The following RASA3 variants were observed in gnomAD, a reference collection of about 807,000 sequenced individuals.
RASA3 encodes the protein ras GTPase-activating protein 3.
A neutral mutation model predicts 110.0 loss-of-function variants in RASA3; 73 were observed. The observed-to-expected ratio is 0.66, with a 90% CI of 0.55 to 0.81. The LOEUF (loss-of-function observed/expected upper bound fraction) is 0.81. Ranked by LOEUF, RASA3 falls within the 30% of genes least tolerant of loss-of-function variation. The pLI, the probability that RASA3 is intolerant of heterozygous loss-of-function variation, is 0.00. For synonymous variants in RASA3, 500 were observed against 451.4 expected, an observed-to-expected ratio of 1.11 and a Z score of -1.37; for missense variants, 976 against 1,113.2, an observed-to-expected ratio of 0.88 and a Z score of 1.75.
chr13:114,001,999 G>A (rs1037766419), intron 18 of RASA3, among the ~76,000 whole-genome samples: 2 of 152,272 alleles, frequency 1.3e-5, no homozygotes, highest in African/African-American at 4.8e-5. Context: ...GCCTTGCCCT[G>A]GGCAGGGTCC....
chr13:114,121,162 A>G (rs1365316509), intron 1 of RASA3, among the ~76,000 whole-genome samples: 1 of 152,234 alleles, frequency 6.6e-6, no homozygotes, highest in East Asian at 1.9e-4. Context: ...AAAGATCCCA[A>G]GTTGTGGAAA....
At chr13:114,033,039 ACCCCC>A (rs2054203610) in intron 4 of RASA3, among the ~76,000 whole-genome samples, 2 of 45,378 alleles carry the variant, frequency 4.4e-5, no homozygotes, top group African/African-American at 9.0e-5. Flanking sequence ...GTTCCACGGC[ACCCCC>A]ACACTGACAC....
chr13:114,120,526 C>A (rs547907576), intron 1 of RASA3, among the ~76,000 whole-genome samples: 1 of 76,282 alleles, frequency 1.3e-5, no homozygotes, highest in Non-Finnish European at 2.9e-5. Context: ...AGCCAGACGT[C>A]GGTCAGGGCC....
intron 3 of RASA3, among the ~76,000 whole-genome samples, chr13:114,042,668 C>T (rs1429875506): frequency 2.0e-5 from 3 of 152,248 alleles, no homozygotes; most frequent in Non-Finnish European, 1.5e-5. Context: ...CGCAGCCCAG[C>T]CCCGGTTCTC....
At chr13:114,129,226 ACT>A (rs1246752525) in intron 1 of RASA3, among the ~76,000 whole-genome samples, 2 of 152,120 alleles carry the variant, frequency 1.3e-5, no homozygotes, top group Non-Finnish European at 2.9e-5. Context: ...TGATACACAG[ACT>A]CTACTGTGAA....
chr13:114,037,246 T>C (rs1298908388), intron 4 of RASA3, among the ~76,000 whole-genome samples: 2 of 152,192 alleles, frequency 1.3e-5, no homozygotes, highest in South Asian at 2.1e-4. Context: ...CTATCTACCC[T>C]GTGATGAAGT....
At chr13:114,109,159 G>A (rs927279185) in intron 1 of RASA3, among the ~76,000 whole-genome samples, 23 of 152,180 alleles carry the variant, frequency 1.5e-4, no homozygotes, top group African/African-American at 4.1e-4. Context: ...ACGGGCCCCC[G>A]AACACGACCG....
chr13:114,060,578 G>A (rs2139606808), intron 2 of RASA3, among the ~76,000 whole-genome samples: 1 of 152,378 alleles, frequency 6.6e-6, no homozygotes, highest in African/African-American at 2.4e-5. Flanking sequence ...CGGGAAGCCA[G>A]AGGGGCTCCT....
chr13:114,117,240 AGGG>A (rs2080296745), intron 1 of RASA3, among the ~76,000 whole-genome samples: 1 of 78,310 alleles, frequency 1.3e-5, no homozygotes, highest in African/African-American at 4.1e-5. Flanking sequence ...CATGTGTGTG[AGGG>A]GTGCACGTGT....
intron 4 of RASA3, among the ~76,000 whole-genome samples, chr13:114,033,156 C>T (rs868868339): frequency 1.7e-4 from 14 of 82,380 alleles, no homozygotes; most frequent in Non-Finnish European, 2.8e-4. Context: ...CACCCCACGG[C>T]ACCCCCACAC....
At position 114,015,744 on chromosome 13, in the gene RASA3, G is replaced by C. The variant is rs568920985; in HGVS notation, c.1282-412C>G. On this transcript the variant is annotated intron_variant, in intron 13 of 23. Coordinates refer to ENST00000334062, the MANE Select transcript of RASA3 (RefSeq NM_007368.4). The stretch of plus-strand genomic sequence containing the variant: ...GGGAGTTTTGCTGTTTTAAAACGCA[G>C]TACACAGCTCTGGGGACAGCCTGGG... 4.6e-5 allele frequency among the ~76,000 whole-genome samples: 7 copies of C among 152,356 alleles called. No individual in the cohort carries two copies. The South Asian group carries it at 1.2e-3, about 27-fold the overall frequency.
intron 1 of RASA3, among the ~76,000 whole-genome samples, chr13:114,074,207 C>T (rs911782567): frequency 4.6e-5 from 7 of 152,184 alleles, no homozygotes; most frequent in Non-Finnish European, 5.9e-5. Flanking sequence ...GTTGTGCAAC[C>T]ATCACCACCG....
chr13:113,979,915 C>T (rs906602798), intron 23 of RASA3, among the ~76,000 whole-genome samples: 24 of 150,290 alleles, frequency 1.6e-4, no homozygotes, highest in African/African-American at 5.1e-4. Flanking sequence ...CCTCCTCCTA[C>T]GTGCCTACCA....
intron 1 of RASA3, among the ~76,000 whole-genome samples, chr13:114,117,168 TGTGA>T (rs2080294119): frequency 1.9e-5 from 2 of 105,866 alleles, no homozygotes; most frequent in Non-Finnish European, 2.0e-5. Context: ...GGTGCACGTG[TGTGA>T]CAGATGCATG....
chr13:114,095,077 G>A (rs1007377813), intron 1 of RASA3, among the ~76,000 whole-genome samples: 7 of 152,104 alleles, frequency 4.6e-5, no homozygotes, highest in African/African-American at 9.7e-5. Flanking sequence ...TTTTATAAGC[G>A]GAATTTACTA....
At chr13:114,045,707 G>A (rs984501702) in intron 3 of RASA3, among the ~76,000 whole-genome samples, 3 of 152,212 alleles carry the variant, frequency 2.0e-5, no homozygotes, top group Non-Finnish European at 4.4e-5. Flanking sequence ...AGTCAGTGTG[G>A]AGACGTCGAC....
chr13:114,051,783 C>T (rs2079151199), intron 3 of RASA3, among the ~76,000 whole-genome samples: 1 of 152,212 alleles, frequency 6.6e-6, no homozygotes, highest in Admixed American at 6.5e-5. Flanking sequence ...TGAAGAGGGC[C>T]AGAGATGCTG....
Position 114,117,243 on chromosome 13 carries a change from G to T in RASA3, c.55+15192C>A, listed in dbSNP as rs144035623. Among the ~76,000 whole-genome samples the T allele has an allele frequency of 4.0e-5, 3 of 75,280 alleles. 1 individual carries two copies. Among genetic ancestry groups the T allele is most frequent in the African/African-American group, 1.2e-4 (3 of 25,938 alleles). The allele number at this position is 75,280 out of a possible 152,430, so 49.4% of individuals were successfully genotyped here. ...GTGTGAGGGGTGCATGTGTGTGAGGGGTGCACGTGTGTGAGGGATGCACGT... is the reference window on the plus strand; with the variant it reads ...GTGTGAGGGGTGCATGTGTGTGAGGTGTGCACGTGTGTGAGGGATGCACGT... On this transcript the variant is annotated intron_variant, in intron 1 of 23. Coordinates refer to ENST00000334062, the MANE Select transcript of RASA3 (RefSeq NM_007368.4).
intron 1 of RASA3, among the ~76,000 whole-genome samples, chr13:114,113,243 C>T (rs2080241032): frequency 1.3e-5 from 2 of 152,230 alleles, no homozygotes; most frequent in Admixed American, 1.3e-4. Flanking sequence ...CTCTCACAGG[C>T]ACCTCCTTCC....
Sources: allele counts gnomAD v4.1 joint callset (sites outside exome capture counted in the v4.1 genomes callset), GRCh38; gene constraint gnomAD v4.1.1; transcripts MANE v1.5; gene names NCBI Gene and HGNC (gene_info 2026-07-23, HGNC 2026-07-21).